Variants in MID1 observed in about 807,000 individuals in gnomAD.
MID1 encodes the protein E3 ubiquitin-protein ligase Midline-1.
Under a neutral mutation model 40.4 loss-of-function variants are expected in MID1, and 7 were observed. The observed-to-expected ratio is 0.17, with a 90% CI of 0.10 to 0.33. MID1 has a LOEUF of 0.33. MID1 is among the 10% of genes least tolerant of loss of function. MID1 has a pLI of 1.00. For missense variants in MID1, 367 were observed against 558.5 expected, an observed-to-expected ratio of 0.66 and a Z score of 3.46; for synonymous variants, 229 against 221.2, an observed-to-expected ratio of 1.04 and a Z score of -0.31.
rs1419904697 is a variant in MID1 at position 10,813,238 on chromosome X, T to C, written c.-187+20316A>G. On this transcript the variant is annotated intron_variant, in intron 1 of 10. Transcript: ENST00000380785. ...TTATGAAAGAATTCCAATGCCTCTTTGTAGATTCCCGAGTTAGATTGAGGG... is the reference window on the plus strand; with the variant it reads ...TTATGAAAGAATTCCAATGCCTCTTCGTAGATTCCCGAGTTAGATTGAGGG... Among the ~76,000 whole-genome samples, 42 of 109,929 alleles carry C rather than the reference T, an allele frequency of 3.8e-4. 1 individual carries two copies. The highest frequency in any genetic ancestry group is 1.1e-4 in the Non-Finnish European group (6 of 52,711).
chrX:10,765,991 GAAAGAA>G (rs2043724712), intron 1 of MID1, among the ~76,000 whole-genome samples: 1 of 106,861 alleles, frequency 9.4e-6, no homozygotes, highest in Admixed American at 1.0e-4. Context: ...AAGAAAGAAA[GAAAGAA>G]AGAAAGAAAG....
intron 1 of MID1, among the ~76,000 whole-genome samples, chrX:10,829,002 T>C (rs2044234267): frequency 8.9e-6 from 1 of 112,420 alleles, no homozygotes; most frequent in African/African-American, 3.2e-5. Flanking sequence ...AAACCCACCA[T>C]TCATTGCTCT....
chrX:10,567,844 TC>T (rs1934614591), intron 1 of MID1, among the ~76,000 whole-genome samples: 1 of 111,113 alleles, frequency 9.0e-6, no homozygotes, highest in East Asian at 2.8e-4. Context: ...ATTTTTTTTT[TC>T]AATTTTGTTT....
chrX:10,547,000 A>C (rs749063225), intron 2 of MID1, among the ~76,000 whole-genome samples: 3 of 112,521 alleles, frequency 2.7e-5, no homozygotes, highest in Non-Finnish European at 5.6e-5. Context: ...CATCATTGAA[A>C]GTTTTGGGGG....
intron 3 of MID1, among the ~76,000 whole-genome samples, chrX:10,500,585 T>C (rs149116269): frequency 1.7e-3 from 190 of 112,664 alleles, no homozygotes; most frequent in African/African-American, 5.7e-3. Flanking sequence ...TGCTGTTTCA[T>C]GTGTCACTTA....
chrX:10,503,327 T>C lies in MID1; in HGVS notation c.757-7636A>G, dbSNP rs772130271. On this transcript the variant is annotated intron_variant, in intron 3 of 9. Transcript: ENST00000317552. ...GACAATATTACCGTAATTCATCTGA[T>C]ATGTTTATATGTAATCTTCACTCTG... 1.2e-3 allele frequency among the ~76,000 whole-genome samples: 133 copies of C among 111,568 alleles called. 1 individual carries two copies. The highest frequency in any genetic ancestry group is 1.9e-3 in the Non-Finnish European group (103 of 53,101).
At position 10,581,651 on chromosome X, in the gene MID1, A is replaced by G. The variant is rs187198019; in HGVS notation, c.-56-14048T>C. Among the ~76,000 whole-genome samples, 337 of 112,412 alleles carry G rather than the reference A, an allele frequency of 3.0e-3. 7 individuals carry two copies. Among genetic ancestry groups the G allele is most frequent in the Admixed American group, 0.027 (287 of 10,659 alleles). On this transcript the variant is annotated intron_variant, in intron 1 of 9. Coordinates refer to ENST00000317552, the MANE Select transcript of MID1 (RefSeq NM_000381.4). ...GAAACCTCTTCATACCATTTTTGCA[A>G]GCAAGAAGGATATAAATCCATTTAT...
chrX:10,826,824 A>G (rs1165533022), intron 1 of MID1, among the ~76,000 whole-genome samples: 1 of 112,531 alleles, frequency 8.9e-6, no homozygotes, highest in Non-Finnish European at 1.9e-5. Context: ...GTTCCACTTT[A>G]GCCTTAGCAC....
intron 1 of MID1, among the ~76,000 whole-genome samples, chrX:10,777,175 GT>G (rs2043808428): frequency 1.8e-5 from 2 of 111,931 alleles, no homozygotes; most frequent in South Asian, 7.6e-4. Flanking sequence ...GCCTGGAGAA[GT>G]TACGTACTTA....
chrX:10,714,411 C>T (rs888729363), intron 1 of MID1, among the ~76,000 whole-genome samples: 2 of 111,854 alleles, frequency 1.8e-5, no homozygotes, highest in African/African-American at 3.3e-5. Flanking sequence ...AGCCCTAAAT[C>T]CTGTGGCTGT....
intron 2 of MID1, among the ~76,000 whole-genome samples, chrX:10,565,978 T>C (rs1298109190): frequency 9.1e-6 from 1 of 110,289 alleles, no homozygotes; most frequent in Non-Finnish European, 1.9e-5. Context: ...CCCGGCTAAT[T>C]TTTTTATTTT....
intron 1 of MID1, among the ~76,000 whole-genome samples, chrX:10,613,732 T>TATATATATAGAGAGAG (rs1482081086): frequency 5.2e-4 from 9 of 17,474 alleles, no homozygotes; most frequent in Admixed American, 8.9e-4. Context: ...TATATATATA[T>TATATATATAGAGAGAG]AGAGAGAGAG....
At chrX:10,514,799 A>G (rs1932319456) in intron 3 of MID1, among the ~76,000 whole-genome samples, 1 of 111,777 alleles carries the variant, frequency 8.9e-6, no homozygotes, top group Admixed American at 9.5e-5. Flanking sequence ...GAAAGCCACC[A>G]TATTTGCACT....
intron 2 of MID1, among the ~76,000 whole-genome samples, chrX:10,533,433 A>AAGAAAG (rs1933108245): frequency 3.1e-5 from 3 of 95,397 alleles, no homozygotes; most frequent in Admixed American, 1.2e-4. Flanking sequence ...GAAAGAAAGA[A>AAGAAAG]AGAGAAAGAA....
chrX:10,475,284 T>C, intron 5 of MID1: 1 of 308,968 alleles, frequency 3.2e-6, no homozygotes, highest in Non-Finnish European at 6.3e-6. Context: ...AAAATAAACA[T>C]TAAAAAGGGA....
At chrX:10,552,877 T>G (rs1933970318) in intron 2 of MID1, among the ~76,000 whole-genome samples, 1 of 111,977 alleles carries the variant, frequency 8.9e-6, no homozygotes, top group Non-Finnish European at 1.9e-5. Flanking sequence ...TTAGTTTTGT[T>G]TTTTTTCCCT....
intron 1 of MID1, among the ~76,000 whole-genome samples, chrX:10,786,284 G>C (rs2043882640): frequency 9.0e-6 from 1 of 110,798 alleles, no homozygotes; most frequent in South Asian, 3.9e-4. Flanking sequence ...TCTCACACCA[G>C]TTAGAATGGC....
chrX:10,794,407 G>A (rs903559980), intron 1 of MID1, among the ~76,000 whole-genome samples: 1 of 112,259 alleles, frequency 8.9e-6, no homozygotes, highest in Non-Finnish European at 1.9e-5. Context: ...TGAACAAATT[G>A]TCATAGAAAT....
chrX:10,538,030 G>A (rs1197085692), intron 2 of MID1, among the ~76,000 whole-genome samples: 6 of 111,307 alleles, frequency 5.4e-5, no homozygotes, highest in South Asian at 3.8e-4. Context: ...GGAGTACTGC[G>A]GTGTGATCTC....
Sources: gnomAD v4.1 joint callset for allele counts (sites outside exome capture counted in the v4.1 genomes callset) on GRCh38, gnomAD v4.1.1 for gene constraint, MANE v1.5 for transcripts, NCBI Gene and HGNC (gene_info 2026-07-23, HGNC 2026-07-21) for gene names.